MAPK4: variants seen among roughly 807,000 people sequenced by gnomAD.
MAPK4 encodes mitogen-activated protein kinase 4.
Under a neutral mutation model 47.7 loss-of-function variants are expected in MAPK4, and 22 were observed. The ratio of observed to expected loss-of-function variants is 0.46; its 90% CI spans 0.33 to 0.66. The LOEUF is 0.66. Ranked by LOEUF, MAPK4 falls within the 30% of genes least tolerant of loss-of-function variation. MAPK4 has a pLI of 0.02. For missense variants in MAPK4, 736 were observed against 831.7 expected (o/e 0.88, Z 1.42); for synonymous variants, 390 against 365.7 (o/e 1.07, Z -0.76).
chr18:50,717,924 C>G (rs1011682165), intron 3 of MAPK4, among the ~76,000 whole-genome samples: 3 of 152,200 alleles, frequency 2.0e-5, no homozygotes, highest in Non-Finnish European at 2.9e-5. Context: ...GTGCACAGAA[C>G]ATAGTGCTAA....
At chr18:50,639,613 A>G (rs571704987) in intron 1 of MAPK4, among the ~76,000 whole-genome samples, 10 of 152,368 alleles carry the variant, frequency 6.6e-5, no homozygotes, top group African/African-American at 2.4e-4. Flanking sequence ...TTTTTGCCAT[A>G]CAATTTTAAA....
At chr18:50,575,355 G>C (rs916332768) in intron 1 of MAPK4, among the ~76,000 whole-genome samples, 1 of 152,184 alleles carries the variant, frequency 6.6e-6, no homozygotes, top group Non-Finnish European at 1.5e-5. Flanking sequence ...CCCAGTCTCA[G>C]GTATTTTGTC....
In MAPK4 at chr18:50,645,081, G is replaced by A. The variant is rs1598860259; in HGVS notation, c.-870-18008G>A. Among the ~76,000 whole-genome samples the A allele has an allele frequency of 2.0e-5, 3 of 152,178 alleles. No homozygotes were observed. The South Asian group carries it at 6.2e-4, about 32-fold the overall frequency. On this transcript the variant is annotated intron_variant, in intron 1 of 5. Transcript: ENST00000400384. ...CTGCAGGCCAGGGAGTGGGTGGCTG[G>A]GAGAGAGTGGCAGGGAGAACTGGTG... is the stretch of plus-strand genomic sequence containing the variant.
intron 2 of MAPK4, among the ~76,000 whole-genome samples, chr18:50,675,316 AT>A (rs543288077): frequency 0.049 from 6,275 of 128,326 alleles, 193 homozygotes; most frequent in African/African-American, 0.15. Context: ...TTGGCAAACC[AT>A]TTTTTTTTTT....
intron 1 of MAPK4, among the ~76,000 whole-genome samples, chr18:50,568,978 G>A (rs1379661149): frequency 6.6e-6 from 1 of 152,176 alleles, no homozygotes; most frequent in African/African-American, 2.4e-5. Flanking sequence ...GCTTTTAGCT[G>A]CATGAGCATA....
intron 1 of MAPK4, among the ~76,000 whole-genome samples, chr18:50,659,152 G>A (rs189674030): frequency 5.3e-5 from 8 of 152,306 alleles, no homozygotes; most frequent in South Asian, 2.1e-4. Context: ...TATCTGGCTC[G>A]TTATAGAAAA....
At chr18:50,579,299 C>T (rs573709796) in intron 1 of MAPK4, among the ~76,000 whole-genome samples, 1 of 152,194 alleles carries the variant, frequency 6.6e-6, no homozygotes, top group African/African-American at 2.4e-5. Flanking sequence ...TTGCATCACT[C>T]TTGGCCTCTG....
At chr18:50,647,098 C>T (rs2042997082) in intron 1 of MAPK4, among the ~76,000 whole-genome samples, 1 of 152,150 alleles carries the variant, frequency 6.6e-6, no homozygotes. Context: ...TAGTGATGCT[C>T]TATAAATATT....
At chr18:50,601,524 C>T (rs1043639473) in intron 1 of MAPK4, among the ~76,000 whole-genome samples, 2 of 152,016 alleles carry the variant, frequency 1.3e-5, no homozygotes, top group South Asian at 2.1e-4. Flanking sequence ...CACGGCTGCA[C>T]CACTTCTCTT....
At chr18:50,668,678 G>C (rs547557176) in intron 2 of MAPK4, among the ~76,000 whole-genome samples, 1 of 152,146 alleles carries the variant, frequency 6.6e-6, no homozygotes, top group Non-Finnish European at 1.5e-5. Context: ...CACTCATCTC[G>C]CCAACTGCAT....
intron 2 of MAPK4, among the ~76,000 whole-genome samples, chr18:50,686,085 C>G (rs1908867641): frequency 6.6e-6 from 1 of 152,016 alleles, no homozygotes; most frequent in African/African-American, 2.4e-5. Flanking sequence ...AGGAGTAAAC[C>G]AAGGAACAGC....
chr18:50,721,880 T>C, intron 3 of MAPK4, 58 bp from the exon 4 acceptor site: 1 of 1,584,172 alleles, frequency 6.3e-7, no homozygotes, highest in Non-Finnish European at 8.6e-7. Context: ...GCTTTTGGGC[T>C]ACTGCACACC....
At chr18:50,646,355 C>T (rs542594853) in intron 1 of MAPK4, among the ~76,000 whole-genome samples, 25 of 152,302 alleles carry the variant, frequency 1.6e-4, no homozygotes, top group African/African-American at 5.8e-4. Flanking sequence ...TAGTGGAGCA[C>T]TACAAGGGTG....
intron 1 of MAPK4, among the ~76,000 whole-genome samples, chr18:50,646,284 C>T (rs867443428): frequency 6.6e-6 from 1 of 152,252 alleles, no homozygotes; most frequent in Non-Finnish European, 1.5e-5. Context: ...GCTCTTCCTC[C>T]ATGGGCCTTT....
rs576177387 is a variant in MAPK4 at position 50,712,893 on chromosome 18, C to T, written c.547-2186C>T. 1.9e-3 allele frequency among the ~76,000 whole-genome samples: 295 copies of T among 152,258 alleles called. 1 individual carries two copies. Among genetic ancestry groups the T allele is most frequent in the African/African-American group, 6.6e-3 (273 of 41,548 alleles). On this transcript the variant is annotated intron_variant, in intron 2 of 5. Coordinates refer to ENST00000400384, the MANE Select transcript of MAPK4 (RefSeq NM_002747.4). ...AACCAGACTATTTTTTTAGAACCCA[C>T]CCACCTAAAAATGAACTTCTACAGA...
intron 1 of MAPK4, among the ~76,000 whole-genome samples, chr18:50,569,512 G>A (rs2042231891): frequency 6.6e-6 from 1 of 152,146 alleles, no homozygotes; most frequent in South Asian, 2.1e-4. Context: ...AGCCAGACTA[G>A]TTTACTTTTT....
chr18:50,593,507 G>C (rs1263994212), intron 1 of MAPK4, among the ~76,000 whole-genome samples: 2 of 152,174 alleles, frequency 1.3e-5, no homozygotes, highest in African/African-American at 4.8e-5. Context: ...TGAGCAGAGA[G>C]TCCTCTATTT....
rs1191616634 is a variant in MAPK4 at position 50,648,107 on chromosome 18, G to C, written c.-870-14982G>C. Reference sequence around the variant, plus strand: ...TGATGGGAAGAAAGACCCAGAGAGAGAGAGAGAGAGAGAGAGAGAGAGTCC... The same window carrying C: ...TGATGGGAAGAAAGACCCAGAGAGACAGAGAGAGAGAGAGAGAGAGAGTCC... On this transcript the variant is annotated intron_variant, in intron 1 of 5. Coordinates refer to ENST00000400384, the MANE Select transcript of MAPK4 (RefSeq NM_002747.4). Among the ~76,000 whole-genome samples the C allele has an allele frequency of 3.3e-5, 5 of 151,878 alleles. No individual in the cohort carries two copies. In the South Asian group the frequency reaches 1.0e-3, roughly 32 times the overall value.
chr18:50,709,296 C>A (rs1315407809), intron 2 of MAPK4, among the ~76,000 whole-genome samples: 1 of 152,192 alleles, frequency 6.6e-6, no homozygotes, highest in African/African-American at 2.4e-5. Flanking sequence ...GTGCCAGGGG[C>A]CTTCCTGAGG....
Sources: allele counts gnomAD v4.1 joint callset (sites outside exome capture counted in the v4.1 genomes callset), GRCh38; gene constraint gnomAD v4.1.1; transcripts MANE v1.5; gene names NCBI Gene and HGNC (gene_info 2026-07-23, HGNC 2026-07-21).